Variants in CACNB1 observed in about 807,000 individuals in gnomAD.
The protein encoded by CACNB1 is calcium voltage-gated channel auxiliary subunit beta 1, also known as voltage-dependent L-type calcium channel subunit beta-1.
A neutral mutation model predicts 71.6 loss-of-function variants in CACNB1; 29 were observed. That is an observed-to-expected ratio of 0.40 (90% CI 0.30 to 0.55). The LOEUF (loss-of-function observed/expected upper bound fraction) is 0.55. Ranked by LOEUF, CACNB1 falls within the 20% of genes least tolerant of loss-of-function variation. The pLI, the probability that CACNB1 is intolerant of heterozygous loss-of-function variation, is 0.38. For synonymous variants in CACNB1, 300 were observed against 319.6 expected, an observed-to-expected ratio of 0.94 and a Z score of 0.65; for missense variants, 623 against 801.8, an observed-to-expected ratio of 0.78 and a Z score of 2.69.
intron 3 of CACNB1, among the ~76,000 whole-genome samples, 154 bp downstream of exon 3, chr17:39,191,320 C>A (rs2046075105): frequency 6.6e-6 from 1 of 152,056 alleles, no homozygotes; most frequent in Admixed American, 6.6e-5. Context: ...GGTATTATAG[C>A]CCACATTGTG....
chr17:39,187,635 G>A lies in CACNB1; in HGVS notation c.292-34C>T, dbSNP rs758585888. The A allele has an allele frequency of 5.0e-6, 8 of 1,613,040 alleles. No individual in the cohort carries two copies. In the South Asian group the frequency reaches 8.8e-5, roughly 18 times the overall value. On this transcript the variant is annotated intron_variant, in intron 3 of 13. Coordinates refer to ENST00000394303, the MANE Select transcript of CACNB1 (RefSeq NM_000723.5). ...GGCACACAGGGGAGGATGGCAACTA[G>A]AGGGCAAACCACAATGTAATGTACA...
Position 39,187,620 on chromosome 17 carries a change from G to C in CACNB1, c.292-19C>G. 2 of 1,613,980 alleles carry C rather than the reference G, an allele frequency of 1.2e-6. No homozygotes were observed. Among genetic ancestry groups the C allele is most frequent in the South Asian group, 1.1e-5 (1 of 91,074 alleles). ...GCTTGGTCTAGAGGAGGCACACAGG[G>C]GAGGATGGCAACTAGAGGGCAAACC... On this transcript the variant is annotated intron_variant, in intron 3 of 13. Coordinates refer to ENST00000394303, the MANE Select transcript of CACNB1 (RefSeq NM_000723.5).
chr17:39,175,068 G>C lies in CACNB1; in HGVS notation c.*125C>G. The stretch of plus-strand genomic sequence containing the variant: ...ACACCAAAGAAACCCCAAGCTTTGA[G>C]CAAAGGCATCTGAAAGGAGGGAGAC... On this transcript the variant is annotated 3_prime_UTR_variant, in exon 14 of 14. Transcript: ENST00000394303. The surrounding 1 kb of genome is among the most constrained non-coding windows in gnomAD (Gnocchi z 4.7). 1 of 820,398 alleles carries C rather than the reference G, an allele frequency of 1.2e-6. No homozygotes were observed. The highest frequency in any genetic ancestry group is 1.9e-6 in the Non-Finnish European group (1 of 512,962). The allele number at this position is 820,398 out of a possible 1,614,324, so 50.8% of individuals were successfully genotyped here. A position where few individuals can be genotyped will look rare whatever the true frequency, so the allele number is the denominator to read the frequency against.
At chr17:39,193,305 C>T (rs561949442) in intron 2 of CACNB1, 4 of 330,184 alleles carry the variant, frequency 1.2e-5, no homozygotes, top group South Asian at 2.2e-5. Flanking sequence ...CACATGTACG[C>T]GCATACACAC....
Position 39,177,349 on chromosome 17 carries a change from C to T in CACNB1, c.1332+1G>A. 6.2e-7 allele frequency: 1 copy of T among 1,613,156 alleles called. No homozygotes were observed. Among genetic ancestry groups the T allele is most frequent in the Non-Finnish European group, 8.5e-7 (1 of 1,179,678 alleles). ...CTCCTGAGCGAGGTGAGCACCTGTA[C>T]CTGGAGGTTGGAGACAGGGGCAGGG... On this transcript the variant is annotated splice_donor_variant, in intron 13 of 13. Coordinates refer to ENST00000394303, the MANE Select transcript of CACNB1 (RefSeq NM_000723.5). LOFTEE classifies it high-confidence loss of function.
At chr17:39,192,059 T>A (rs1187078687) in intron 2 of CACNB1, 2 of 176,500 alleles carry the variant, frequency 1.1e-5, no homozygotes, top group African/African-American at 4.8e-5. Context: ...GACGGCCTGC[T>A]CCGCAGGATG....
intron 3 of CACNB1, among the ~76,000 whole-genome samples, chr17:39,190,612 G>C (rs2046051522): frequency 6.6e-6 from 1 of 151,498 alleles, no homozygotes; most frequent in Admixed American, 6.6e-5. Flanking sequence ...ATTTTTAGTA[G>C]AGACGGGGTT....
Position 39,177,337 on chromosome 17 carries a change from T to C in CACNB1, c.1332+13A>G, listed in dbSNP as rs780599506. The C allele has an allele frequency of 3.7e-6, 6 of 1,612,516 alleles. No individual in the cohort carries two copies. The Admixed American group carries it at 1.0e-4, about 27-fold the overall frequency. On this transcript the variant is annotated intron_variant, in intron 13 of 13. Transcript: ENST00000394303. The stretch of plus-strand genomic sequence containing the variant: ...AAGCCGAGGTTTCTCCTGAGCGAGG[T>C]GAGCACCTGTACCTGGAGGTTGGAG...
At chr17:39,184,693 C>A in intron 8 of CACNB1, 91 bp downstream of exon 8, 1 of 932,012 alleles carries the variant, frequency 1.1e-6, no homozygotes, top group Admixed American at 1.8e-5. Context: ...TGGGAGGATG[C>A]CTTGGGATCG....
At chr17:39,176,796 G>T (rs1459371178) in intron 13 of CACNB1, among the ~76,000 whole-genome samples, 1 of 152,130 alleles carries the variant, frequency 6.6e-6, no homozygotes, top group Non-Finnish European at 1.5e-5. Context: ...ACTTTAACTG[G>T]GAGAATGGTG....
intron 11 of CACNB1, among the ~76,000 whole-genome samples, chr17:39,181,742 C>A (rs903648531): frequency 6.6e-6 from 1 of 152,116 alleles, no homozygotes; most frequent in Admixed American, 6.5e-5. Context: ...GTAGGCTGGG[C>A]GCGGTGGCTC....
Position 39,177,342 on chromosome 17 carries a change from A to C in CACNB1, c.1332+8T>G. ...GAGGTTTCTCCTGAGCGAGGTGAGC[A>C]CCTGTACCTGGAGGTTGGAGACAGG... is the stretch of plus-strand genomic sequence containing the variant. On this transcript the variant is annotated splice_region_variant and intron_variant, in intron 13 of 13. Coordinates refer to ENST00000394303, the MANE Select transcript of CACNB1 (RefSeq NM_000723.5). 6.2e-7 allele frequency: 1 copy of C among 1,612,890 alleles called. No individual in the cohort carries two copies. Among genetic ancestry groups the C allele is most frequent in the Non-Finnish European group, 8.5e-7 (1 of 1,179,554 alleles).
intron 6 of CACNB1, 151 bp from the exon 7 acceptor site, chr17:39,185,301 G>C: frequency 1.4e-6 from 1 of 711,322 alleles, no homozygotes; most frequent in Non-Finnish European, 2.6e-6. Flanking sequence ...GTTAGTGACA[G>C]ACAGAGCCAG....
chr17:39,188,074 C>T (rs1413715679), intron 3 of CACNB1, among the ~76,000 whole-genome samples: 2 of 151,652 alleles, frequency 1.3e-5, no homozygotes, highest in Non-Finnish European at 2.9e-5. Context: ...GCAGGTGGAT[C>T]GTTTGAGACC....
intron 9 of CACNB1, 49 bp from the exon 10 acceptor site, chr17:39,184,189 G>T (rs774345146): frequency 2.9e-6 from 4 of 1,369,238 alleles, no homozygotes; most frequent in Non-Finnish European, 3.1e-6. Flanking sequence ...GGGCTGGAAT[G>T]CCCTGCCCAC....
chr17:39,184,869 G>T lies in CACNB1; in HGVS notation c.649-5C>A, dbSNP rs370248501. 207 of 1,547,494 alleles carry T rather than the reference G, an allele frequency of 1.3e-4. No homozygotes were observed. In the African/African-American group the frequency reaches 2.0e-3, roughly 15 times the overall value. ...ATAGGGGGGCACATGCTCTGTCTGG[G>T]GGGGGAAGCAGGGAGGGGAAACCCC... On this transcript the variant is annotated splice_polypyrimidine_tract_variant and splice_region_variant and intron_variant, in intron 7 of 13. Transcript: ENST00000394303.
At chr17:39,183,979 C>G in intron 10 of CACNB1, 52 bp downstream of exon 10, 4 of 1,549,800 alleles carry the variant, frequency 2.6e-6, no homozygotes, top group Middle Eastern at 3.4e-4. Flanking sequence ...CCTCCCACCC[C>G]TCCCACATCC....
intron 1 of CACNB1, 105 bp downstream of exon 1, chr17:39,197,307 C>G: frequency 1.5e-6 from 1 of 670,336 alleles, no homozygotes; most frequent in Admixed American, 4.4e-5. Flanking sequence ...CCTCTCTCCT[C>G]CGCGCCCGGC....
At chr17:39,189,880 G>A (rs943031033) in intron 3 of CACNB1, among the ~76,000 whole-genome samples, 1 of 150,880 alleles carries the variant, frequency 6.6e-6, no homozygotes, top group Non-Finnish European at 1.5e-5. Context: ...GGGAGGCCGA[G>A]GCAGGCAGAT....
Sources: allele counts gnomAD v4.1 joint callset (sites outside exome capture counted in the v4.1 genomes callset), GRCh38; gene constraint gnomAD v4.1.1; non-coding constraint Gnocchi (gnomAD v3.1); transcripts MANE v1.5; gene names NCBI Gene and HGNC (gene_info 2026-07-23, HGNC 2026-07-21).